SUV39H1: variants seen among roughly 807,000 people sequenced by gnomAD.
SUV39H1 encodes the protein histone-lysine N-methyltransferase SUV39H1.
For synonymous variants in SUV39H1, 141 were observed against 150.5 expected (o/e 0.94, Z 0.46); for missense variants, 180 against 386.3 (o/e 0.47, Z 4.48).
At chrX:48,696,851 G>C (rs781933163) in intron 1 of SUV39H1, 48 bp downstream of exon 1, 340 of 1,021,893 alleles carry the variant, frequency 3.3e-4, no homozygotes, top group Admixed American at 1.7e-4. Context: ...GGGCCGGGTG[G>C]GCTGGAGGGG....
chrX:48,705,521 AT>A (rs1289223622), intron 3 of SUV39H1, among the ~76,000 whole-genome samples: 1 of 112,556 alleles, frequency 8.9e-6, no homozygotes, highest in Non-Finnish European at 1.9e-5. Flanking sequence ...AAAGCTTCCC[AT>A]TTCCTAGGAC....
intron 3 of SUV39H1, among the ~76,000 whole-genome samples, chrX:48,701,297 TG>T (rs1569495018): frequency 8.9e-6 from 1 of 112,202 alleles, no homozygotes; most frequent in Non-Finnish European, 1.9e-5. Flanking sequence ...AGCCAGCCAT[TG>T]TAAAAACAAC....
intron 3 of SUV39H1, among the ~76,000 whole-genome samples, chrX:48,701,359 A>C (rs1451708260): frequency 8.9e-6 from 1 of 112,423 alleles, no homozygotes; most frequent in Non-Finnish European, 1.9e-5. Flanking sequence ...CTCATGGAAC[A>C]GTCCATTGTG....
upstream of SUV39H1, chrX:48,696,658 G>A: frequency 1.1e-6 from 1 of 949,205 alleles, no homozygotes; most frequent in Non-Finnish European, 1.4e-6. Context: ...ACGGCTCTCC[G>A]GTTGGTCCGC....
rs1472338978 is a variant in SUV39H1, at chrX:48,700,424, C to T, written c.499C>T (p.Arg167Cys). The change falls in exon 3 of 6, where the codon CGT becomes TGT. Residue 167 changes from arginine (R) to cysteine (C), a missense_variant. Arg to Cys is a radical substitution (Grantham distance 180). Coordinates refer to ENST00000376687, the MANE Select transcript of SUV39H1 (RefSeq NM_003173.4). ...PRAFVYINEY[R>C]VGEGITLNQV... ...GGCCTTCGTGTACATCAATGAGTAC[C>T]GTGTTGGTGAGGGCATCACCCTCAA... 1.3e-5 allele frequency: 16 copies of T among 1,212,108 alleles called. No homozygotes were observed. The highest frequency in any genetic ancestry group is 1.7e-5 in the Non-Finnish European group (15 of 895,534).
At chrX:48,699,192 A>T in intron 2 of SUV39H1, 145 bp downstream of exon 2, 1 of 621,995 alleles carries the variant, frequency 1.6e-6, no homozygotes, top group Non-Finnish European at 2.3e-6. Context: ...AGACCCTTTT[A>T]TCCCTATGTT....
intron 1 of SUV39H1, among the ~76,000 whole-genome samples, chrX:48,698,351 A>G (rs1198503479): frequency 1.3e-4 from 14 of 111,752 alleles, no homozygotes; most frequent in Non-Finnish European, 1.3e-4. Flanking sequence ...TGTATGGGAT[A>G]TCCTAGAACT....
At chrX:48,696,130 G>A (rs376036591), upstream of SUV39H1, among the ~76,000 whole-genome samples, 1 of 113,012 alleles carries the variant, frequency 8.8e-6, no homozygotes, top group South Asian at 3.6e-4. Flanking sequence ...GCTGGTCCCA[G>A]GGCTATGGTG....
At chrX:48,703,270 T>TA (rs1289281337) in intron 3 of SUV39H1, among the ~76,000 whole-genome samples, 1 of 112,472 alleles carries the variant, frequency 8.9e-6, no homozygotes, top group African/African-American at 3.2e-5. Context: ...TTGTAGTTTT[T>TA]ATTTATCCTA....
At chrX:48,696,852 G>A (rs782081270) in intron 1 of SUV39H1, 49 bp downstream of exon 1, 11 of 1,023,882 alleles carry the variant, frequency 1.1e-5, no homozygotes, top group African/African-American at 5.9e-5. Flanking sequence ...GGCCGGGTGG[G>A]CTGGAGGGGT....
At chrX:48,706,690 C>T (rs2062492113) in intron 5 of SUV39H1, 63 bp downstream of exon 5, 7 of 1,120,332 alleles carry the variant, frequency 6.2e-6, no homozygotes, top group Admixed American at 2.6e-5. Flanking sequence ...GGACCCCTCC[C>T]AAAGGCACAC....
At chrX:48,696,661 T>G, upstream of SUV39H1, 1 of 949,873 alleles carries the variant, frequency 1.1e-6, no homozygotes. Flanking sequence ...GCTCTCCGGT[T>G]GGTCCGCGCG....
intron 3 of SUV39H1, among the ~76,000 whole-genome samples, chrX:48,705,827 C>T (rs2062489055): frequency 8.9e-6 from 1 of 112,133 alleles, no homozygotes; most frequent in Non-Finnish European, 1.9e-5. Context: ...CCTGCATGGG[C>T]TCAGGCTCCC....
intron 3 of SUV39H1, among the ~76,000 whole-genome samples, chrX:48,702,087 G>C (rs2062476897): frequency 8.9e-6 from 1 of 112,399 alleles, no homozygotes; most frequent in African/African-American, 3.2e-5. Context: ...TGACAGTCTG[G>C]GCAAGGAGAC....
rs781875586 is a variant in SUV39H1 at position 48,700,453 on chromosome X, G to A, written c.528G>A (p.Gln176=). ...TTGGTGAGGGCATCACCCTCAACCA[G>A]GTGGCTGTGGGCTGCGAGTGCCAGG... ...YRVGEGITLN[Q]VAVGCECQDC... The change falls in exon 3 of 6, where the codon CAG becomes CAA. Residue 176 remains glutamine, a synonymous_variant. Transcript: ENST00000376687. 8.2e-7 allele frequency: 1 copy of A among 1,212,306 alleles called. No individual in the cohort carries two copies. The highest frequency in any genetic ancestry group is 1.1e-6 in the Non-Finnish European group (1 of 895,604).
Position 48,708,003 on chromosome X carries a change from G to A in SUV39H1, c.*433G>A, listed in dbSNP as rs956195258. ...TGGGGAAGCAACCCCAGAGCAGGCAGACATCAGAGGCCAGAGTGCCTAGCC... is the reference window on the plus strand; with the variant it reads ...TGGGGAAGCAACCCCAGAGCAGGCAAACATCAGAGGCCAGAGTGCCTAGCC... On this transcript the variant is annotated 3_prime_UTR_variant, in exon 6 of 6. Transcript: ENST00000376687. 2 of 242,333 alleles carry A rather than the reference G, an allele frequency of 8.3e-6. No homozygotes were observed. Among genetic ancestry groups the A allele is most frequent in the Non-Finnish European group, 1.5e-5 (2 of 129,054 alleles). 20.0% of individuals were successfully genotyped at this position (242,333 alleles called of 1,213,427 possible). A position where few individuals can be genotyped will look rare whatever the true frequency, so the allele number is the denominator to read the frequency against.
intron 1 of SUV39H1, among the ~76,000 whole-genome samples, chrX:48,697,865 G>A (rs2062461698): frequency 8.9e-6 from 1 of 112,188 alleles, no homozygotes; most frequent in Admixed American, 9.4e-5. Flanking sequence ...TTTAAAATCC[G>A]TGTGTCTTAC....
intron 3 of SUV39H1, among the ~76,000 whole-genome samples, chrX:48,701,625 G>A (rs953158399): frequency 9.0e-6 from 1 of 111,529 alleles, no homozygotes; most frequent in Non-Finnish European, 1.9e-5. Context: ...GCAACAGGAT[G>A]TGCTTTAGCC....
chrX:48,698,409 C>T (rs2062463383), intron 1 of SUV39H1, among the ~76,000 whole-genome samples: 2 of 111,465 alleles, frequency 1.8e-5, no homozygotes, highest in South Asian at 3.7e-4. Flanking sequence ...ACATCTGGCC[C>T]AGGAGTTTGA....
Sources: gnomAD v4.1 joint callset for allele counts (sites outside exome capture counted in the v4.1 genomes callset) on GRCh38, gnomAD v4.1.1 for gene constraint, MANE v1.5 for transcripts, NCBI Gene and HGNC (gene_info 2026-07-23, HGNC 2026-07-21) for gene names.